The following RANBP17 variants were observed in gnomAD, a reference collection of about 807,000 sequenced individuals.
RANBP17 encodes ran-binding protein 17.
Under a neutral mutation model 141.2 loss-of-function variants are expected in RANBP17, and 158 were observed. The observed-to-expected ratio is 1.12, with a 90% CI of 0.98 to 1.28. RANBP17 has a LOEUF of 1.28. Among genes scored for constraint, RANBP17 ranks in the 50% most tolerant of loss-of-function variants. RANBP17 has a pLI of 0.00. For synonymous variants in RANBP17, 430 were observed against 450.0 expected, an observed-to-expected ratio of 0.96 and a Z score of 0.56; for missense variants, 1,438 against 1,290.7, an observed-to-expected ratio of 1.11 and a Z score of -1.75.
intron 25 of RANBP17, among the ~76,000 whole-genome samples, chr5:171,272,045 A>G (rs539171049): frequency 3.9e-5 from 6 of 152,336 alleles, no homozygotes; most frequent in African/African-American, 1.2e-4. Context: ...CTTTGCAGCA[A>G]CATGGATGGA....
intron 1 of RANBP17, among the ~76,000 whole-genome samples, chr5:170,869,907 A>G (rs1002446950): frequency 3.3e-5 from 5 of 152,224 alleles, no homozygotes; most frequent in Non-Finnish European, 7.3e-5. Flanking sequence ...CAGAAGTTAC[A>G]TGACACTAAC....
intron 14 of RANBP17, among the ~76,000 whole-genome samples, chr5:171,019,532 T>C (rs1351759399): frequency 6.6e-6 from 1 of 152,206 alleles, no homozygotes; most frequent in Non-Finnish European, 1.5e-5. Flanking sequence ...CTAGATTTTC[T>C]AGTTTATTTG....
intron 14 of RANBP17, among the ~76,000 whole-genome samples, chr5:171,134,409 A>C (rs1158463635): frequency 6.6e-6 from 1 of 152,208 alleles, no homozygotes; most frequent in African/African-American, 2.4e-5. Context: ...TTTTCATTGA[A>C]ATAATCAGAT....
intron 5 of RANBP17, among the ~76,000 whole-genome samples, chr5:170,909,367 CAG>C (rs1458521611): frequency 1.3e-5 from 2 of 151,794 alleles, no homozygotes; most frequent in South Asian, 4.1e-4. Context: ...ATGTGAGGAA[CAG>C]GGAAGTTGTT....
At chr5:171,248,854 A>T (rs929582777) in intron 24 of RANBP17, among the ~76,000 whole-genome samples, 1 of 152,120 alleles carries the variant, frequency 6.6e-6, no homozygotes, top group Non-Finnish European at 1.5e-5. Context: ...TACCACTGCT[A>T]CTTCCATCAC....
In RANBP17 at chr5:171,130,521, C is replaced by T. The variant is rs1266784021; in HGVS notation, c.1711-39609C>T. Among the ~76,000 whole-genome samples, 22 of 143,950 alleles carry T rather than the reference C, an allele frequency of 1.5e-4. No individual in the cohort carries two copies. In the Admixed American group the frequency reaches 1.6e-3, roughly 10 times the overall value. 94.4% of individuals were successfully genotyped at this position (143,950 alleles called of 152,430 possible). A position where few individuals can be genotyped will look rare whatever the true frequency, so the allele number is the denominator to read the frequency against. On this transcript the variant is annotated intron_variant, in intron 14 of 27. Transcript: ENST00000523189. ...GCATGATCTCGGCTCACTACAACCT[C>T]CTCCTCTGGGGTTCAGGCGATTCTC...
intron 3 of RANBP17, among the ~76,000 whole-genome samples, chr5:170,886,969 G>A (rs1374269390): frequency 1.8e-4 from 28 of 151,748 alleles, no homozygotes; most frequent in Admixed American, 1.6e-3. Context: ...GGCTATGTCC[G>A]AGTTTTTAAA....
At chr5:171,286,416 CT>C (rs552805447) in intron 25 of RANBP17, among the ~76,000 whole-genome samples, 1,681 of 151,870 alleles carry the variant, frequency 0.011, 27 homozygotes, top group African/African-American at 0.038. Flanking sequence ...TTTCATTTGA[CT>C]TTTTTTTAAT....
At chr5:171,035,644 G>A (rs1272453588) in intron 14 of RANBP17, among the ~76,000 whole-genome samples, 3 of 149,430 alleles carry the variant, frequency 2.0e-5, no homozygotes, top group African/African-American at 7.4e-5. Context: ...TGGCTTATAA[G>A]CTGATAGGTG....
chr5:170,968,417 A>G (rs1181499575), intron 14 of RANBP17, 40 bp downstream of exon 14: 7 of 1,545,624 alleles, frequency 4.5e-6, no homozygotes, highest in Non-Finnish European at 6.2e-6. Context: ...GTTATTGGGG[A>G]TGAAGAAAGA....
chr5:170,911,381 G>C, intron 7 of RANBP17: 1 of 576,686 alleles, frequency 1.7e-6, no homozygotes, highest in Non-Finnish European at 3.1e-6. Flanking sequence ...ATGGAGAGCA[G>C]ATTTGGGAGG....
intron 8 of RANBP17, among the ~76,000 whole-genome samples, 183 bp downstream of exon 8, chr5:170,914,423 T>TA (rs1192791004): frequency 1.3e-5 from 2 of 152,188 alleles, no homozygotes; most frequent in African/African-American, 4.8e-5. Flanking sequence ...TTGTCAACGT[T>TA]ACATTTTATT....
At chr5:170,883,978 A>G (rs921875327) in intron 3 of RANBP17, among the ~76,000 whole-genome samples, 3 of 152,172 alleles carry the variant, frequency 2.0e-5, no homozygotes, top group Non-Finnish European at 4.4e-5. Context: ...TTGGAGCACA[A>G]TTGCTGGATT....
chr5:170,897,504 C>T (rs2127394894), intron 5 of RANBP17, among the ~76,000 whole-genome samples: 1 of 152,042 alleles, frequency 6.6e-6, no homozygotes, highest in African/African-American at 2.4e-5. Flanking sequence ...TTTGCTGCAC[C>T]CATCAACCAG....
At chr5:170,926,325 T>G (rs975722535) in intron 12 of RANBP17, among the ~76,000 whole-genome samples, 5 of 152,168 alleles carry the variant, frequency 3.3e-5, no homozygotes, top group African/African-American at 7.2e-5. Flanking sequence ...GCAGCTCGTA[T>G]TATTATACCT....
intron 24 of RANBP17, among the ~76,000 whole-genome samples, chr5:171,262,955 C>T (rs1004147713): frequency 1.3e-5 from 2 of 152,154 alleles, no homozygotes; most frequent in Admixed American, 1.3e-4. Flanking sequence ...CCCAAAACTT[C>T]CCTCTTTCTG....
chr5:171,256,418 AAAAG>A (rs1765899101), intron 24 of RANBP17, among the ~76,000 whole-genome samples: 1 of 152,366 alleles, frequency 6.6e-6, no homozygotes, highest in African/African-American at 2.4e-5. Context: ...TTTGTGGAAA[AAAAG>A]AAGGAAGTTT....
Position 170,944,108 on chromosome 5 carries a change from T to A in RANBP17, c.1469-9489T>A, listed in dbSNP as rs1774559656. Among the ~76,000 whole-genome samples, 5 of 152,198 alleles carry A rather than the reference T, an allele frequency of 3.3e-5. No individual in the cohort carries two copies. The South Asian group carries it at 1.0e-3, about 32-fold the overall frequency. ...GCATATGAGTGAGACCGTATAGTAT[T>A]TTTCTTTCTGTTAGTAGCTAATTTC... On this transcript the variant is annotated intron_variant, in intron 12 of 27. Transcript: ENST00000523189.
At chr5:171,029,043 C>T in intron 14 of RANBP17, 1 of 709,602 alleles carries the variant, frequency 1.4e-6, no homozygotes, top group Non-Finnish European at 1.9e-6. Context: ...TCAGGTAAGT[C>T]ATACTCAGGC....
Sources: gnomAD v4.1 joint callset for allele counts (sites outside exome capture counted in the v4.1 genomes callset) on GRCh38, gnomAD v4.1.1 for gene constraint, MANE v1.5 for transcripts, NCBI Gene and HGNC (gene_info 2026-07-23, HGNC 2026-07-21) for gene names.